PDE4B: variants seen among roughly 807,000 people sequenced by gnomAD.
The protein encoded by PDE4B is 3',5'-cyclic-AMP phosphodiesterase 4B.
PDE4B carries 20 observed loss-of-function variants against 82.2 expected under a neutral mutation model. That is an observed-to-expected ratio of 0.24 (90% CI 0.17 to 0.35). The LOEUF is 0.35. Among genes scored for constraint, PDE4B ranks in the 10% least tolerant of loss-of-function variants. PDE4B has a pLI of 1.00. For synonymous variants in PDE4B, 320 were observed against 318.9 expected, an observed-to-expected ratio of 1.00 and a Z score of -0.04; for missense variants, 655 against 907.2, an observed-to-expected ratio of 0.72 and a Z score of 3.57.
intron 3 of PDE4B, among the ~76,000 whole-genome samples, chr1:66,116,399 G>T (rs189741532): frequency 6.6e-6 from 1 of 152,260 alleles, no homozygotes; most frequent in African/African-American, 2.4e-5. Context: ...TAGGTACTTT[G>T]TGCTGGGCTC....
In PDE4B at chr1:66,314,796, G is replaced by A. The variant is rs536297961; in HGVS notation, c.635-17712G>A. Among the ~76,000 whole-genome samples the A allele has an allele frequency of 2.2e-4, 34 of 152,240 alleles. No individual in the cohort carries two copies. The South Asian group carries it at 6.0e-3, about 27-fold the overall frequency. ...CATTTTGGCCGCCATGCCATTCCGCGTATGGTTACCGTTGCCTGGCTTGTA... is the reference window on the plus strand; with the variant it reads ...CATTTTGGCCGCCATGCCATTCCGCATATGGTTACCGTTGCCTGGCTTGTA... On this transcript the variant is annotated intron_variant, in intron 7 of 16. Transcript: ENST00000341517.
chr1:66,016,840 A>G (rs1434377553), intron 3 of PDE4B, among the ~76,000 whole-genome samples: 1 of 152,188 alleles, frequency 6.6e-6, no homozygotes, highest in East Asian at 1.9e-4. Context: ...CCATAAGTGG[A>G]TAAGGAGCAA....
intron 3 of PDE4B, among the ~76,000 whole-genome samples, chr1:66,074,127 G>A (rs1190652021): frequency 6.6e-6 from 1 of 152,074 alleles, no homozygotes; most frequent in Non-Finnish European, 1.5e-5. Context: ...TGTCAGAGAA[G>A]GTTGTGGAAA....
chr1:66,138,000 C>G (rs1282731733), intron 3 of PDE4B, among the ~76,000 whole-genome samples: 3 of 152,042 alleles, frequency 2.0e-5, no homozygotes, highest in Non-Finnish European at 4.4e-5. Flanking sequence ...ACTCTTGTCT[C>G]CATATTATAG....
At chr1:66,277,596 A>G (rs988812851) in intron 7 of PDE4B, among the ~76,000 whole-genome samples, 9 of 151,942 alleles carry the variant, frequency 5.9e-5, no homozygotes, top group African/African-American at 1.9e-4. Context: ...GGGTTTCACT[A>G]TGTTAGCCAG....
intron 1 of PDE4B, among the ~76,000 whole-genome samples, chr1:65,849,842 G>A (rs1646310123): frequency 6.6e-6 from 1 of 152,094 alleles, no homozygotes; most frequent in Non-Finnish European, 1.5e-5. Flanking sequence ...GTGACACCTG[G>A]CAAAGAATAA....
chr1:66,203,425 A>G (rs184696924), intron 3 of PDE4B, among the ~76,000 whole-genome samples: 1 of 152,286 alleles, frequency 6.6e-6, no homozygotes, highest in African/African-American at 2.4e-5. Context: ...TCTCCTGGGT[A>G]ATATCCTGCA....
At chr1:66,019,149 TTTA>T (rs1652944475) in intron 3 of PDE4B, among the ~76,000 whole-genome samples, 2 of 152,108 alleles carry the variant, frequency 1.3e-5, no homozygotes, top group African/African-American at 2.4e-5. Context: ...TGCTGCATAT[TTTA>T]TTTTTATATT....
At chr1:66,072,585 C>T (rs1194432373) in intron 3 of PDE4B, among the ~76,000 whole-genome samples, 1 of 152,102 alleles carries the variant, frequency 6.6e-6, no homozygotes, top group African/African-American at 2.4e-5. Context: ...GTGACTATGG[C>T]TGTTTTGAGA....
chr1:66,288,232 A>C (rs778055002), intron 7 of PDE4B, among the ~76,000 whole-genome samples: 6 of 151,984 alleles, frequency 3.9e-5, no homozygotes, highest in Non-Finnish European at 8.8e-5. Flanking sequence ...AAGGTGCCAC[A>C]CTTTTAAATA....
At chr1:66,133,259 C>T (rs1645989357) in intron 3 of PDE4B, among the ~76,000 whole-genome samples, 1 of 152,074 alleles carries the variant, frequency 6.6e-6, no homozygotes, top group Non-Finnish European at 1.5e-5. Flanking sequence ...TTTGTAAGGT[C>T]CAGGTGATCC....
intron 1 of PDE4B, among the ~76,000 whole-genome samples, chr1:65,814,818 A>G (rs1645861707): frequency 6.6e-6 from 1 of 152,040 alleles, no homozygotes; most frequent in Non-Finnish European, 1.5e-5. Context: ...GGTTGTTCCC[A>G]GGTGTAAACT....
chr1:66,110,201 G>A (rs1256628366), intron 3 of PDE4B, among the ~76,000 whole-genome samples: 7 of 151,892 alleles, frequency 4.6e-5, no homozygotes, highest in African/African-American at 9.7e-5. Flanking sequence ...AATAAAGAGC[G>A]GAAATTGATG....
At chr1:65,877,627 A>C (rs1468963102) in intron 1 of PDE4B, among the ~76,000 whole-genome samples, 2 of 150,696 alleles carry the variant, frequency 1.3e-5, no homozygotes. Flanking sequence ...AAATAAATAA[A>C]TAAATAAATA....
chr1:66,272,957 A>T (rs1177293223), intron 7 of PDE4B, among the ~76,000 whole-genome samples: 1 of 151,078 alleles, frequency 6.6e-6, no homozygotes, highest in Non-Finnish European at 1.5e-5. Flanking sequence ...TGCCCAGCTA[A>T]TTTTTTGTAT....
At chr1:66,205,110 G>C (rs1649442455) in intron 3 of PDE4B, among the ~76,000 whole-genome samples, 1 of 152,202 alleles carries the variant, frequency 6.6e-6, no homozygotes, top group Admixed American at 6.5e-5. Flanking sequence ...AAAAACTTAA[G>C]CATTATACTC....
At chr1:66,018,189 G>C (rs1447305060) in intron 3 of PDE4B, among the ~76,000 whole-genome samples, 1 of 152,078 alleles carries the variant, frequency 6.6e-6, no homozygotes, top group East Asian at 1.9e-4. Flanking sequence ...AGGCCAATGC[G>C]GGCGGATCAC....
chr1:66,188,160 A>G (rs1463100246), intron 3 of PDE4B, among the ~76,000 whole-genome samples: 1 of 151,754 alleles, frequency 6.6e-6, no homozygotes, highest in African/African-American at 2.4e-5. Context: ...TGAGTTTCTT[A>G]ATCCTGAGTT....
chr1:66,355,506 A>G (rs1662167412), intron 8 of PDE4B, 21 bp from the exon 9 acceptor site: 2 of 1,530,194 alleles, frequency 1.3e-6, no homozygotes, highest in South Asian at 1.1e-5. Context: ...TGGTTAATGC[A>G]TTTTTGTTCT....
Sources: gnomAD v4.1 joint callset for allele counts (sites outside exome capture counted in the v4.1 genomes callset) on GRCh38, gnomAD v4.1.1 for gene constraint, MANE v1.5 for transcripts, NCBI Gene and HGNC (gene_info 2026-07-23, HGNC 2026-07-21) for gene names.